ANTXR1: variants seen among roughly 807,000 people sequenced by gnomAD.
The protein encoded by ANTXR1 is anthrax toxin receptor 1.
A neutral mutation model predicts 78.1 loss-of-function variants in ANTXR1; 19 were observed. The observed-to-expected ratio is 0.24, with a 90% CI of 0.17 to 0.36. The LOEUF (loss-of-function observed/expected upper bound fraction) is 0.36. ANTXR1 is among the 10% of genes least tolerant of loss of function. The pLI is 1.00. For synonymous variants in ANTXR1, 273 were observed against 260.5 expected, an observed-to-expected ratio of 1.05 and a Z score of -0.46; for missense variants, 518 against 718.6, an observed-to-expected ratio of 0.72 and a Z score of 3.19.
intron 4 of ANTXR1, among the ~76,000 whole-genome samples, chr2:69,071,239 A>G (rs1043899360): frequency 3.9e-5 from 6 of 152,156 alleles, no homozygotes; most frequent in South Asian, 2.1e-4. Flanking sequence ...TTGTTAGCCA[A>G]TTTTGTCATT....
chr2:69,038,882 C>T (rs1466683804), intron 1 of ANTXR1, among the ~76,000 whole-genome samples: 3 of 151,972 alleles, frequency 2.0e-5, no homozygotes, highest in African/African-American at 2.4e-5. Context: ...GGAATACACC[C>T]GATCAGAATG....
At chr2:69,131,589 C>G (rs1672748636) in intron 12 of ANTXR1, among the ~76,000 whole-genome samples, 2 of 152,200 alleles carry the variant, frequency 1.3e-5, no homozygotes, top group South Asian at 4.1e-4. Context: ...TGAGGCAAAA[C>G]AGACCATCTT....
rs530809424 is a variant in ANTXR1 at position 69,184,652 on chromosome 2, ACTGGC to A, written c.1353+1993_1353+1997del. Among the ~76,000 whole-genome samples the A allele has an allele frequency of 6.4e-4, 98 of 152,298 alleles. No individual in the cohort carries two copies. The Middle Eastern group carries it at 0.01, about 16-fold the overall frequency. ...TACTTGAGAGCATAGTCCTCTATTG[ACTGGC>A]GGTTTAGGACTGAATTTGATGAGAT... On this transcript the variant is annotated intron_variant, in intron 16 of 17. Coordinates refer to ENST00000303714, the MANE Select transcript of ANTXR1 (RefSeq NM_032208.3).
intron 8 of ANTXR1, among the ~76,000 whole-genome samples, chr2:69,087,633 C>T (rs1310886846): frequency 6.6e-6 from 1 of 152,180 alleles, no homozygotes; most frequent in Non-Finnish European, 1.5e-5. Context: ...GCAGATCAAT[C>T]ATACCCTCAC....
At chr2:69,216,415 G>A (rs1157562163) in intron 17 of ANTXR1, among the ~76,000 whole-genome samples, 1 of 151,966 alleles carries the variant, frequency 6.6e-6, no homozygotes, top group African/African-American at 2.4e-5. Flanking sequence ...ATACACACAT[G>A]CATATACATA....
intron 10 of ANTXR1, among the ~76,000 whole-genome samples, chr2:69,114,398 T>G (rs1335321229): frequency 1.3e-5 from 2 of 152,208 alleles, no homozygotes; most frequent in South Asian, 2.1e-4. Context: ...TGTGCAGAAC[T>G]TGGGGTGTGT....
chr2:69,071,738 T>A lies in ANTXR1; in HGVS notation c.379-16T>A, dbSNP rs757041109. 2.4e-5 allele frequency: 38 copies of A among 1,613,678 alleles called. No homozygotes were observed. The highest frequency in any genetic ancestry group is 3.0e-5 in the Non-Finnish European group (35 of 1,179,758). On this transcript the variant is annotated splice_polypyrimidine_tract_variant and intron_variant, in intron 4 of 17. Coordinates refer to ENST00000303714, the MANE Select transcript of ANTXR1 (RefSeq NM_032208.3). ...CAGTGGTTATAAGTCTAAGGGCTCT[T>A]TCATATGTTTTTCAGGCCAGTGAGC...
chr2:69,090,741 C>T (rs532384414), intron 8 of ANTXR1, 118 bp from the exon 9 acceptor site: 26 of 970,882 alleles, frequency 2.7e-5, no homozygotes, highest in South Asian at 2.4e-4. Flanking sequence ...GCACCCCCAC[C>T]GCAACCAAAT....
chr2:69,203,380 A>T (rs1249453255), intron 17 of ANTXR1, among the ~76,000 whole-genome samples: 1 of 152,244 alleles, frequency 6.6e-6, no homozygotes, highest in African/African-American at 2.4e-5. Context: ...GGAGGGGGAC[A>T]TGAGTACTTA....
rs114878526 is a variant in ANTXR1, at chr2:69,154,080, G to A, written c.1047+1816G>A. Among the ~76,000 whole-genome samples, 380 of 152,248 alleles carry A rather than the reference G, an allele frequency of 2.5e-3. 1 individual carries two copies. Among genetic ancestry groups the A allele is most frequent in the Admixed American group, 4.3e-3 (65 of 15,292 alleles). ...TAGGAATCTATTATGATACTGGATG[G>A]CATTCAGTTTATATTCTTTGGAAAT... On this transcript the variant is annotated intron_variant, in intron 13 of 17. Transcript: ENST00000303714.
chr2:69,197,576 G>A (rs1029902166), intron 17 of ANTXR1, among the ~76,000 whole-genome samples: 2 of 152,100 alleles, frequency 1.3e-5, no homozygotes, highest in Non-Finnish European at 2.9e-5. Context: ...AACCTAGCTT[G>A]GTAATATTGT....
chr2:69,113,369 C>T (rs1364358514), intron 10 of ANTXR1, among the ~76,000 whole-genome samples: 1 of 152,210 alleles, frequency 6.6e-6, no homozygotes, highest in Non-Finnish European at 1.5e-5. Flanking sequence ...ACAGGCCATA[C>T]TCCTGGAACC....
intron 17 of ANTXR1, among the ~76,000 whole-genome samples, chr2:69,222,366 G>T (rs150737742): frequency 1.3e-5 from 2 of 152,256 alleles, no homozygotes; most frequent in East Asian, 3.9e-4. Context: ...AGCTTAAAAG[G>T]CCAGTGTTCA....
At chr2:69,091,582 C>A (rs1434357865) in intron 9 of ANTXR1, among the ~76,000 whole-genome samples, 1 of 152,068 alleles carries the variant, frequency 6.6e-6, no homozygotes, top group Non-Finnish European at 1.5e-5. Flanking sequence ...ATGGAATCAC[C>A]CCTCTTTTTC....
intron 8 of ANTXR1, among the ~76,000 whole-genome samples, chr2:69,080,771 G>C (rs1670876283): frequency 6.6e-6 from 1 of 152,224 alleles, no homozygotes; most frequent in Admixed American, 6.5e-5. Flanking sequence ...TTCCTTTGAA[G>C]AGATGAACTG....
intron 17 of ANTXR1, among the ~76,000 whole-genome samples, chr2:69,239,751 A>G (rs994741511): frequency 6.6e-6 from 1 of 152,206 alleles, no homozygotes; most frequent in African/African-American, 2.4e-5. Context: ...CCCACAAGGC[A>G]GACCACAGCC....
chr2:69,160,541 C>A (rs563770114), intron 13 of ANTXR1, among the ~76,000 whole-genome samples: 4 of 152,194 alleles, frequency 2.6e-5, no homozygotes, highest in African/African-American at 9.6e-5. Context: ...GTTTTCAAAC[C>A]TGGTTGCATA....
chr2:69,132,935 C>T (rs1672797345), intron 12 of ANTXR1, among the ~76,000 whole-genome samples: 1 of 152,180 alleles, frequency 6.6e-6, no homozygotes, highest in Non-Finnish European at 1.5e-5. Context: ...AAATATTATA[C>T]AATTTGGGGT....
At chr2:69,212,080 T>A (rs776351940) in intron 17 of ANTXR1, among the ~76,000 whole-genome samples, 5 of 152,374 alleles carry the variant, frequency 3.3e-5, no homozygotes, top group Non-Finnish European at 7.3e-5. Flanking sequence ...TCACACTCAT[T>A]TAGCTTTTGA....
Sources: allele counts gnomAD v4.1 joint callset (sites outside exome capture counted in the v4.1 genomes callset), GRCh38; gene constraint gnomAD v4.1.1; transcripts MANE v1.5; gene names NCBI Gene and HGNC (gene_info 2026-07-23, HGNC 2026-07-21).